C10orf90: variants seen among roughly 807,000 people sequenced by gnomAD.
C10orf90 encodes chromosome 10 open reading frame 90, also known as (E2-independent) E3 ubiquitin-conjugating enzyme FATS.
Under a neutral mutation model 62.5 loss-of-function variants are expected in C10orf90, and 56 were observed. The ratio of observed to expected loss-of-function variants is 0.90; its 90% CI spans 0.72 to 1.12. The LOEUF is 1.12. C10orf90 is among the 50% of genes most tolerant of loss of function. The pLI is 0.00. For missense variants in C10orf90, 970 were observed against 880.4 expected (o/e 1.10, Z -1.29); for synonymous variants, 386 against 340.4 (o/e 1.13, Z -1.47).
intron 2 of C10orf90, among the ~76,000 whole-genome samples, chr10:126,518,687 C>A (rs1026739632): frequency 2.0e-5 from 3 of 152,152 alleles, no homozygotes; most frequent in Admixed American, 2.0e-4. Flanking sequence ...GCCCTCTGTG[C>A]CCAGGGAGTG....
At position 126,466,703 on chromosome 10, in the gene C10orf90, C is replaced by T. The variant is rs553159089; in HGVS notation, c.1535-1717G>A. On this transcript the variant is annotated intron_variant, in intron 4 of 9. Transcript: ENST00000488181. The stretch of plus-strand genomic sequence containing the variant: ...CTTATTCACCAAGAGGGGAAGAAAC[C>T]CAGCTTTCCATGTTCTTATGCACAA... Among the ~76,000 whole-genome samples, 4 of 152,236 alleles carry T rather than the reference C, an allele frequency of 2.6e-5. No homozygotes were observed. The East Asian group carries it at 5.8e-4, about 22-fold the overall frequency.
intron 4 of C10orf90, among the ~76,000 whole-genome samples, chr10:126,493,364 C>CT (rs375605068): frequency 0.14 from 19,645 of 141,948 alleles, 1,508 homozygotes; most frequent in East Asian, 0.22. Flanking sequence ...ACATGTTTTC[C>CT]TTTTTTTTTT....
intron 2 of C10orf90, among the ~76,000 whole-genome samples, chr10:126,613,489 T>C (rs1437010644): frequency 1.3e-5 from 2 of 152,118 alleles, no homozygotes; most frequent in Non-Finnish European, 2.9e-5. Flanking sequence ...CAAGCAATCC[T>C]CCCACCTGGG....
chr10:126,563,254 C>T (rs539258316), intron 2 of C10orf90, among the ~76,000 whole-genome samples: 2 of 152,318 alleles, frequency 1.3e-5, no homozygotes, highest in South Asian at 2.1e-4. Flanking sequence ...CACTCGTCCA[C>T]CGCACGCCTG....
chr10:126,640,873 G>A (rs556930303), intron 2 of C10orf90, among the ~76,000 whole-genome samples: 1 of 152,318 alleles, frequency 6.6e-6, no homozygotes, highest in South Asian at 2.1e-4. Context: ...GGGGACTGAT[G>A]TGATTTTTGA....
intron 1 of C10orf90, among the ~76,000 whole-genome samples, chr10:126,660,696 GT>G (rs1846491628): frequency 6.6e-6 from 1 of 152,204 alleles, no homozygotes; most frequent in South Asian, 2.1e-4. Context: ...CAATGGTGTT[GT>G]TTTAAGCTGC....
chr10:126,545,386 T>C (rs1864467557), intron 2 of C10orf90, among the ~76,000 whole-genome samples: 1 of 152,156 alleles, frequency 6.6e-6, no homozygotes, highest in Non-Finnish European at 1.5e-5. Context: ...CCTTTTATAA[T>C]GTTAAGGAAG....
chr10:126,555,711 A>T (rs1249982899), intron 2 of C10orf90, among the ~76,000 whole-genome samples: 1 of 150,282 alleles, frequency 6.7e-6, no homozygotes, highest in Non-Finnish European at 1.5e-5. Flanking sequence ...TAAATAAATA[A>T]ATAAATAAAA....
At chr10:126,618,185 AT>A (rs932609122) in intron 2 of C10orf90, among the ~76,000 whole-genome samples, 1 of 152,194 alleles carries the variant, frequency 6.6e-6, no homozygotes, top group African/African-American at 2.4e-5. Flanking sequence ...ATGCACCATT[AT>A]TTTTTGGACC....
At chr10:126,607,467 A>G (rs994438604) in intron 2 of C10orf90, among the ~76,000 whole-genome samples, 1 of 152,234 alleles carries the variant, frequency 6.6e-6, no homozygotes, top group Non-Finnish European at 1.5e-5. Flanking sequence ...CATGATGAAC[A>G]CAATGAGCCT....
intron 2 of C10orf90, among the ~76,000 whole-genome samples, chr10:126,547,335 T>C (rs566901369): frequency 1.1e-3 from 171 of 149,184 alleles, no homozygotes; most frequent in African/African-American, 4.0e-3. Context: ...AGGAGAATGG[T>C]GTGAACCCGG....
chr10:126,654,818 C>G (rs1176135160), intron 1 of C10orf90, among the ~76,000 whole-genome samples: 1 of 152,174 alleles, frequency 6.6e-6, no homozygotes, highest in Non-Finnish European at 1.5e-5. Context: ...CACTTCCTTT[C>G]ACTTGAACAC....
At chr10:126,580,913 C>A (rs568386860) in intron 2 of C10orf90, among the ~76,000 whole-genome samples, 17 of 145,728 alleles carry the variant, frequency 1.2e-4, no homozygotes, top group Non-Finnish European at 1.9e-4. Context: ...AAGTAGCTAG[C>A]CACATTGTCA....
intron 3 of C10orf90, among the ~76,000 whole-genome samples, chr10:126,512,412 C>CTG (rs60016526): frequency 9.4e-5 from 8 of 85,020 alleles, no homozygotes; most frequent in South Asian, 3.4e-4. Flanking sequence ...GTCTGTGTGT[C>CTG]TGTGTGTGTG....
chr10:126,605,247 C>A (rs558057311), intron 2 of C10orf90, among the ~76,000 whole-genome samples: 1 of 152,274 alleles, frequency 6.6e-6, no homozygotes, highest in African/African-American at 2.4e-5. Flanking sequence ...TGCTTTGGTG[C>A]GCCAAGCCAA....
intron 2 of C10orf90, among the ~76,000 whole-genome samples, chr10:126,565,218 T>TTA (rs1844331361): frequency 1.0e-4 from 3 of 29,760 alleles, no homozygotes; most frequent in African/African-American, 2.0e-4. Flanking sequence ...TAATATAATT[T>TTA]TTATATTACA....
At position 126,655,049 on chromosome 10, in the gene C10orf90, G is replaced by A. The variant is rs193271925; in HGVS notation, c.241-8412C>T. Among the ~76,000 whole-genome samples the A allele has an allele frequency of 2.7e-4, 41 of 152,210 alleles. No homozygotes were observed. The East Asian group carries it at 5.0e-3, about 19-fold the overall frequency. ...ACAATAGTAATATGAGGCCGGGCGC[G>A]GTGGCTCACACCTGTAATCCCAGCA... On this transcript the variant is annotated intron_variant, in intron 1 of 9. Coordinates refer to ENST00000488181, the MANE Select transcript of C10orf90 (RefSeq NM_001350921.2).
intron 4 of C10orf90, among the ~76,000 whole-genome samples, chr10:126,497,144 C>T (rs1862104697): frequency 6.6e-6 from 1 of 152,108 alleles, no homozygotes; most frequent in East Asian, 1.9e-4. Context: ...GTGCCAGGGC[C>T]CTGCTTATTG....
At chr10:126,536,478 G>A (rs1160090483) in intron 2 of C10orf90, among the ~76,000 whole-genome samples, 2 of 152,110 alleles carry the variant, frequency 1.3e-5, no homozygotes, top group South Asian at 4.1e-4. Flanking sequence ...GTTCCTTGGC[G>A]GAAAGATCCC....
Sources: gnomAD v4.1 joint callset for allele counts (sites outside exome capture counted in the v4.1 genomes callset) on GRCh38, gnomAD v4.1.1 for gene constraint, MANE v1.5 for transcripts, NCBI Gene and HGNC (gene_info 2026-07-23, HGNC 2026-07-21) for gene names.